Variants in XKR9 observed in about 807,000 individuals in gnomAD.
XKR9 encodes the protein XK related 9, also known as XK-related protein 9.
A neutral mutation model predicts 32.0 loss-of-function variants in XKR9; 32 were observed. The observed-to-expected ratio is 1.00, with a 90% CI of 0.76 to 1.34. The LOEUF is 1.34. XKR9 is among the 40% of genes most tolerant of loss of function. The pLI is 0.00. For synonymous variants in XKR9, 168 were observed against 143.4 expected (o/e 1.17, Z -1.22); for missense variants, 546 against 429.7 (o/e 1.27, Z -2.39).
At chr8:71,018,645 C>A in the XKR9 span, among the ~76,000 whole-genome samples, 1 of 152,112 alleles carries the variant, frequency 6.6e-6, no homozygotes, top group Non-Finnish European at 1.5e-5. Flanking sequence ...ATAGTACGTA[C>A]TCAGTGTTTG....
At chr8:71,033,485 G>GCTA in the XKR9 span, among the ~76,000 whole-genome samples, 6 of 152,148 alleles carry the variant, frequency 3.9e-5, no homozygotes, top group Non-Finnish European at 8.8e-5. Context: ...TGGTTTGGAT[G>GCTA]TGGTTTGTCC....
chr8:70,671,916 A>C (rs1231610212), intron 1 of XKR9, among the ~76,000 whole-genome samples: 3 of 77,792 alleles, frequency 3.9e-5, no homozygotes, highest in Non-Finnish European at 3.3e-5. Context: ...GCATTCTTAT[A>C]CACCAACAAC....
chr8:70,996,395 A>C, the XKR9 span, among the ~76,000 whole-genome samples: 1 of 152,198 alleles, frequency 6.6e-6, no homozygotes, highest in Non-Finnish European at 1.5e-5. Context: ...TTCAGGTGTG[A>C]AATGAAATTA....
At chr8:70,990,393 A>C in the XKR9 span, among the ~76,000 whole-genome samples, 1 of 152,190 alleles carries the variant, frequency 6.6e-6, no homozygotes, top group African/African-American at 2.4e-5. Context: ...TGGAGGCAGC[A>C]TCTGGAAATA....
At chr8:71,050,618 G>C in the XKR9 span, among the ~76,000 whole-genome samples, 1 of 152,112 alleles carries the variant, frequency 6.6e-6, no homozygotes, top group Non-Finnish European at 1.5e-5. Context: ...CAGAACTTGG[G>C]GGGTGGATAT....
chr8:70,790,706 A>G (rs2130269330), downstream of XKR9, among the ~76,000 whole-genome samples: 1 of 152,204 alleles, frequency 6.6e-6, no homozygotes, highest in Non-Finnish European at 1.5e-5. Flanking sequence ...CTTACAGTCT[A>G]GTCTTTATCC....
the XKR9 span, among the ~76,000 whole-genome samples, chr8:70,893,358 C>A: frequency 6.6e-6 from 1 of 151,928 alleles, no homozygotes; most frequent in African/African-American, 2.4e-5. Context: ...TCATTGGGTT[C>A]TCTTACTACA....
the XKR9 span, among the ~76,000 whole-genome samples, chr8:70,799,851 ATTTC>A: frequency 6.6e-6 from 1 of 151,988 alleles, no homozygotes; most frequent in Non-Finnish European, 1.5e-5. Context: ...AATGCCTTTT[ATTTC>A]TTTCTGTTTC....
the XKR9 span, among the ~76,000 whole-genome samples, chr8:70,930,212 A>G: frequency 5.9e-5 from 9 of 152,166 alleles, no homozygotes; most frequent in Admixed American, 3.3e-4. Flanking sequence ...ATAAGCCTAT[A>G]TCTACTAAGA....
At chr8:70,932,592 C>G in the XKR9 span, among the ~76,000 whole-genome samples, 12 of 152,268 alleles carry the variant, frequency 7.9e-5, no homozygotes, top group East Asian at 2.3e-3. Flanking sequence ...TAACAAAATA[C>G]TACAGGTTGG....
At chr8:70,961,914 T>C in the XKR9 span, among the ~76,000 whole-genome samples, 1 of 152,200 alleles carries the variant, frequency 6.6e-6, no homozygotes, top group Non-Finnish European at 1.5e-5. Flanking sequence ...TGCTTATGTT[T>C]AGTAGATAAA....
Position 70,765,674 on chromosome 8 carries a change from G to A in XKR9, n.353-23665G>A, listed in dbSNP as rs199885952. On this transcript the variant is annotated intron_variant and non_coding_transcript_variant, in intron 2 of 3. Transcript: ENST00000520273. ...CTTTTGATGTTTTAGTCATGAAGTC[G>A]TTGCCTATGCCTATGTCCTGAATGG... Among the ~76,000 whole-genome samples, 13 of 152,196 alleles carry A rather than the reference G, an allele frequency of 8.5e-5. No individual in the cohort carries two copies. The East Asian group carries it at 1.3e-3, about 16-fold the overall frequency.
intron 2 of XKR9, among the ~76,000 whole-genome samples, chr8:70,676,159 G>A (rs56112621): frequency 0.4 from 61,293 of 151,976 alleles, 13,902 homozygotes; most frequent in Non-Finnish European, 0.52. Flanking sequence ...CGTGTCTCAC[G>A]TGGAGAGAGC....
chr8:70,745,204 G>A (rs1217421541), intron 2 of XKR9, among the ~76,000 whole-genome samples: 1 of 151,984 alleles, frequency 6.6e-6, no homozygotes, highest in Non-Finnish European at 1.5e-5. Flanking sequence ...TGGCTAAATA[G>A]TAAGCTTTTA....
chr8:70,823,052 T>C, the XKR9 span, among the ~76,000 whole-genome samples: 1 of 152,214 alleles, frequency 6.6e-6, no homozygotes, highest in Non-Finnish European at 1.5e-5. Flanking sequence ...TTCAAGGATC[T>C]CTGTCTGCTA....
chr8:70,970,954 G>A, the XKR9 span, among the ~76,000 whole-genome samples: 2 of 152,140 alleles, frequency 1.3e-5, no homozygotes, highest in Non-Finnish European at 2.9e-5. Context: ...CCATTACTGG[G>A]TATATACCCA....
chr8:70,948,626 T>C, the XKR9 span, among the ~76,000 whole-genome samples: 1 of 152,224 alleles, frequency 6.6e-6, no homozygotes, highest in African/African-American at 2.4e-5. Flanking sequence ...TCTCCTAAGC[T>C]AACCTGACAT....
the XKR9 span, among the ~76,000 whole-genome samples, chr8:70,900,359 G>A: frequency 6.6e-6 from 1 of 152,130 alleles, no homozygotes; most frequent in Admixed American, 6.6e-5. Context: ...GGAGGCCGAG[G>A]TGGGTCGATC....
downstream of XKR9, among the ~76,000 whole-genome samples, chr8:70,738,698 T>A (rs1052595719): frequency 3.3e-5 from 5 of 152,166 alleles, no homozygotes; most frequent in Non-Finnish European, 5.9e-5. Context: ...TCAAAGAACA[T>A]CTTTATTTCT....
Sources: allele counts gnomAD v4.1 joint callset (sites outside exome capture counted in the v4.1 genomes callset), GRCh38; gene constraint gnomAD v4.1.1; transcripts MANE v1.5; gene names NCBI Gene and HGNC (gene_info 2026-07-23, HGNC 2026-07-21).